Variants in MACROD2 observed in about 807,000 individuals in gnomAD.
MACROD2 encodes mono-ADP ribosylhydrolase 2.
Under a neutral mutation model 70.4 loss-of-function variants are expected in MACROD2, and 36 were observed. The ratio of observed to expected loss-of-function variants is 0.51; its 90% CI spans 0.39 to 0.68. The LOEUF (loss-of-function observed/expected upper bound fraction) is 0.68. Ranked by LOEUF, MACROD2 falls within the 30% of genes least tolerant of loss-of-function variation. The pLI is 0.00. For missense variants in MACROD2, 496 were observed against 538.4 expected (o/e 0.92, Z 0.78); for synonymous variants, 172 against 178.8 (o/e 0.96, Z 0.30).
chr20:15,384,880 T>C (rs1477936713), intron 6 of MACROD2, among the ~76,000 whole-genome samples: 2 of 152,192 alleles, frequency 1.3e-5, no homozygotes, highest in East Asian at 3.8e-4. Context: ...ACTTTGCCTG[T>C]ATACACTTTG....
At chr20:15,000,323 T>C (rs2074982933) in intron 5 of MACROD2, among the ~76,000 whole-genome samples, 1 of 152,136 alleles carries the variant, frequency 6.6e-6, no homozygotes, top group Admixed American at 6.5e-5. Context: ...GTTCTATAAC[T>C]TCATCAAGAG....
intron 6 of MACROD2, among the ~76,000 whole-genome samples, chr20:15,348,295 C>G (rs746244216): frequency 6.6e-6 from 1 of 152,176 alleles, no homozygotes; most frequent in South Asian, 2.1e-4. Context: ...CAACCAGGAG[C>G]GCTGCCCCCT....
rs554881797 is a variant in MACROD2 at position 14,906,216 on chromosome 20, G to C, written c.418+221257G>C. ...ATGTACTTTTTTCAAAAATCAAGCTGTGCGTGTTAGCTCATGCCTATAATC... is the reference window on the plus strand; with the variant it reads ...ATGTACTTTTTTCAAAAATCAAGCTCTGCGTGTTAGCTCATGCCTATAATC... On this transcript the variant is annotated intron_variant, in intron 5 of 17. Coordinates refer to ENST00000684519, the MANE Select transcript of MACROD2 (RefSeq NM_001351661.2). 2.6e-5 allele frequency among the ~76,000 whole-genome samples: 4 copies of C among 152,268 alleles called. No homozygotes were observed. In the East Asian group the frequency reaches 7.7e-4, roughly 29 times the overall value.
intron 6 of MACROD2, among the ~76,000 whole-genome samples, chr20:15,306,926 C>T (rs2077703305): frequency 1.3e-5 from 2 of 152,132 alleles, no homozygotes; most frequent in African/African-American, 2.4e-5. Flanking sequence ...ATCTGCTCAG[C>T]TTCTGGAGAG....
intron 8 of MACROD2, among the ~76,000 whole-genome samples, chr20:15,695,171 T>C (rs1165548732): frequency 6.6e-6 from 1 of 152,172 alleles, no homozygotes; most frequent in Non-Finnish European, 1.5e-5. Flanking sequence ...AGATTTGTTC[T>C]TTTTTCTTAG....
At chr20:16,032,476 A>G (rs749135831) in intron 15 of MACROD2, among the ~76,000 whole-genome samples, 16 of 152,066 alleles carry the variant, frequency 1.1e-4, no homozygotes, top group Non-Finnish European at 2.1e-4. Flanking sequence ...TTCATAAAAC[A>G]TGAAAGTGTC....
At chr20:14,976,439 C>A (rs2074740323) in intron 5 of MACROD2, among the ~76,000 whole-genome samples, 1 of 152,162 alleles carries the variant, frequency 6.6e-6, no homozygotes, top group Non-Finnish European at 1.5e-5. Context: ...ATTGCTGTCT[C>A]CTCTATGACT....
intron 6 of MACROD2, among the ~76,000 whole-genome samples, chr20:15,240,604 T>C (rs1286436246): frequency 6.6e-6 from 1 of 152,192 alleles, no homozygotes; most frequent in East Asian, 1.9e-4. Context: ...TGGGATAACA[T>C]ATATCAGTAA....
chr20:15,399,777 G>A (rs2146305840), intron 6 of MACROD2, among the ~76,000 whole-genome samples: 1 of 152,290 alleles, frequency 6.6e-6, no homozygotes. Context: ...ACTGAGAAAT[G>A]GATATTTAAT....
intron 3 of MACROD2, among the ~76,000 whole-genome samples, chr20:14,225,504 A>C (rs962683260): frequency 6.6e-6 from 1 of 152,250 alleles, no homozygotes; most frequent in Admixed American, 6.5e-5. Flanking sequence ...TGATTCTCAC[A>C]GTGTCCTGTG....
intron 3 of MACROD2, among the ~76,000 whole-genome samples, chr20:14,120,076 G>C (rs770198238): frequency 6.6e-6 from 1 of 151,886 alleles, no homozygotes; most frequent in Non-Finnish European, 1.5e-5. Flanking sequence ...AGCCAGGTGT[G>C]GTGGTGAGCA....
chr20:14,655,598 T>A (rs987544862), intron 4 of MACROD2, among the ~76,000 whole-genome samples: 1 of 152,190 alleles, frequency 6.6e-6, no homozygotes, highest in Non-Finnish European at 1.5e-5. Flanking sequence ...TTTTAGCTTA[T>A]TTTTGCTTTG....
At chr20:14,948,495 A>C (rs2122725563) in intron 5 of MACROD2, among the ~76,000 whole-genome samples, 1 of 152,256 alleles carries the variant, frequency 6.6e-6, no homozygotes, top group South Asian at 2.1e-4. Flanking sequence ...TATCTTTCCT[A>C]GGAGTCTATG....
intron 3 of MACROD2, among the ~76,000 whole-genome samples, chr20:14,335,859 C>T (rs191414195): frequency 2.9e-4 from 44 of 152,076 alleles, no homozygotes; most frequent in African/African-American, 9.4e-4. Flanking sequence ...AATAGATGTG[C>T]GTTTGTCTGT....
chr20:15,490,873 A>G (rs530910806), intron 7 of MACROD2, among the ~76,000 whole-genome samples: 1 of 152,332 alleles, frequency 6.6e-6, no homozygotes, highest in East Asian at 1.9e-4. Flanking sequence ...TGCAAGCCCT[A>G]CCTCAACTTC....
chr20:14,178,147 T>C (rs1002163055), intron 3 of MACROD2, among the ~76,000 whole-genome samples: 3 of 152,080 alleles, frequency 2.0e-5, no homozygotes, highest in African/African-American at 7.2e-5. Flanking sequence ...CTGATATCCC[T>C]AATACATAAA....
chr20:15,255,362 A>G (rs190463197), intron 6 of MACROD2, among the ~76,000 whole-genome samples: 63 of 152,214 alleles, frequency 4.1e-4, no homozygotes, highest in African/African-American at 1.3e-3. Context: ...CTCTTTGCCT[A>G]TTTGAATTGT....
intron 5 of MACROD2, among the ~76,000 whole-genome samples, chr20:15,109,969 G>A (rs1483184747): frequency 6.6e-6 from 1 of 152,112 alleles, no homozygotes; most frequent in African/African-American, 2.4e-5. Flanking sequence ...GGTTCTCGGA[G>A]GGCAGAAATA....
intron 6 of MACROD2, among the ~76,000 whole-genome samples, chr20:15,377,457 CTTACTT>C (rs1170095931): frequency 6.6e-6 from 1 of 152,192 alleles, no homozygotes; most frequent in African/African-American, 2.4e-5. Context: ...AAACTCATGA[CTTACTT>C]TTATTATGGA....
Sources: gnomAD v4.1 joint callset for allele counts (sites outside exome capture counted in the v4.1 genomes callset) on GRCh38, gnomAD v4.1.1 for gene constraint, MANE v1.5 for transcripts, NCBI Gene and HGNC (gene_info 2026-07-23, HGNC 2026-07-21) for gene names.